Variants in FBXW11 observed in about 807,000 individuals in gnomAD.
The protein encoded by FBXW11 is F-box/WD repeat-containing protein 11.
In FBXW11, 19 loss-of-function variants were observed where a neutral mutation model predicts 77.6. That is an observed-to-expected ratio of 0.24 (90% CI 0.17 to 0.36). The LOEUF is 0.36. Among genes scored for constraint, FBXW11 ranks in the 10% least tolerant of loss-of-function variants. The pLI is 1.00. For synonymous variants in FBXW11, 235 were observed against 249.4 expected (o/e 0.94, Z 0.54); for missense variants, 334 against 704.2 (o/e 0.47, Z 5.95).
At chr5:171,993,527 C>T (rs1342632643) in intron 1 of FBXW11, among the ~76,000 whole-genome samples, 4 of 151,978 alleles carry the variant, frequency 2.6e-5, no homozygotes, top group East Asian at 1.9e-4. Context: ...GCAGGAGAAT[C>T]GATTGAACCT....
chr5:171,953,375 A>G (rs781622674), intron 2 of FBXW11, among the ~76,000 whole-genome samples: 3 of 152,196 alleles, frequency 2.0e-5, no homozygotes, highest in Non-Finnish European at 2.9e-5. Flanking sequence ...TATCAGACCC[A>G]GAGTGCTATA....
chr5:171,934,947 T>G (rs556368349), intron 2 of FBXW11, among the ~76,000 whole-genome samples: 8 of 151,636 alleles, frequency 5.3e-5, no homozygotes, highest in Admixed American at 2.6e-4. Context: ...GGTACAGTGG[T>G]TTTTTTTGTT....
intron 1 of FBXW11, among the ~76,000 whole-genome samples, chr5:171,973,987 A>G (rs915797817): frequency 6.6e-6 from 1 of 152,162 alleles, no homozygotes; most frequent in Non-Finnish European, 1.5e-5. Flanking sequence ...TTGAGTACTT[A>G]TCTTTTACAG....
intron 1 of FBXW11, among the ~76,000 whole-genome samples, chr5:171,968,407 G>A (rs539478705): frequency 8.0e-5 from 12 of 149,262 alleles, no homozygotes; most frequent in Admixed American, 1.3e-4. Context: ...GCAGTGAGCG[G>A]AGATCAGCCA....
intron 2 of FBXW11, among the ~76,000 whole-genome samples, chr5:171,923,071 T>A (rs962991813): frequency 6.6e-6 from 1 of 151,984 alleles, no homozygotes; most frequent in Non-Finnish European, 1.5e-5. Flanking sequence ...TGCACCACCA[T>A]GCCCGGCTAA....
chr5:171,991,545 C>T (rs1194567742), intron 1 of FBXW11, among the ~76,000 whole-genome samples: 1 of 152,162 alleles, frequency 6.6e-6, no homozygotes, highest in Non-Finnish European at 1.5e-5. Context: ...CAAGCTAAAA[C>T]GCACTCAGGA....
intron 2 of FBXW11, among the ~76,000 whole-genome samples, chr5:171,925,329 A>G (rs1761833017): frequency 6.6e-6 from 1 of 152,206 alleles, no homozygotes; most frequent in South Asian, 2.1e-4. Flanking sequence ...AATTTCATCA[A>G]AAGATATTTT....
At chr5:171,997,562 T>TAC (rs1183781119) in intron 1 of FBXW11, among the ~76,000 whole-genome samples, 2 of 152,238 alleles carry the variant, frequency 1.3e-5, no homozygotes, top group Non-Finnish European at 2.9e-5. Flanking sequence ...CCAAATCCTC[T>TAC]ACCCTTAGCT....
intron 6 of FBXW11, among the ~76,000 whole-genome samples, chr5:171,896,318 C>A (rs1317491273): frequency 2.0e-5 from 3 of 152,136 alleles, no homozygotes; most frequent in African/African-American, 7.2e-5. Context: ...GTACAGGCAA[C>A]TGGGGAGGGA....
chr5:171,895,693 G>A (rs1454049758), intron 6 of FBXW11, among the ~76,000 whole-genome samples: 2 of 152,216 alleles, frequency 1.3e-5, no homozygotes, highest in East Asian at 3.8e-4. Context: ...ACAATTGGGG[G>A]CACGCTAGAG....
intron 2 of FBXW11, among the ~76,000 whole-genome samples, chr5:171,949,298 T>C (rs1182580468): frequency 1.3e-5 from 2 of 152,160 alleles, no homozygotes; most frequent in East Asian, 3.8e-4. Flanking sequence ...AACATGCGCA[T>C]ATGATATCAA....
intron 7 of FBXW11, among the ~76,000 whole-genome samples, chr5:171,881,700 T>C (rs947451133): frequency 5.9e-5 from 9 of 152,228 alleles, no homozygotes; most frequent in African/African-American, 2.2e-4. Context: ...CAGTAACTCA[T>C]CTGGGCCTGG....
chr5:171,997,133 T>G (rs72835288), intron 1 of FBXW11: 49,127 of 1,172,810 alleles, frequency 0.042, 1,324 homozygotes, highest in Non-Finnish European at 0.049. Flanking sequence ...GAAGGAAGGG[T>G]CAATGGAATG....
chr5:171,902,054 A>G (rs993428174), intron 4 of FBXW11, among the ~76,000 whole-genome samples: 1 of 152,212 alleles, frequency 6.6e-6, no homozygotes, highest in African/African-American at 2.4e-5. Context: ...TGCCGCATCA[A>G]TATGCCCAGG....
intron 1 of FBXW11, among the ~76,000 whole-genome samples, chr5:171,995,754 A>G (rs930792671): frequency 6.0e-5 from 9 of 150,252 alleles, no homozygotes; most frequent in Non-Finnish European, 1.2e-4. Context: ...CTCCGCCTCA[A>G]AAAAAAAAAA....
At chr5:171,941,372 G>A (rs900664043) in intron 2 of FBXW11, among the ~76,000 whole-genome samples, 9 of 151,804 alleles carry the variant, frequency 5.9e-5, no homozygotes, top group African/African-American at 9.7e-5. Flanking sequence ...TGGAAGTCCC[G>A]CAAAGACCAA....
chr5:171,932,877 T>C (rs1762284828), intron 2 of FBXW11, among the ~76,000 whole-genome samples: 1 of 147,180 alleles, frequency 6.8e-6, no homozygotes, highest in African/African-American at 2.5e-5. Flanking sequence ...CCCAGCACTT[T>C]GGGAGGCCAA....
intron 1 of FBXW11, among the ~76,000 whole-genome samples, chr5:171,970,485 T>C (rs2113414735): frequency 6.6e-6 from 1 of 152,322 alleles, no homozygotes; most frequent in Middle Eastern, 3.4e-3. Context: ...TTATGCAGTA[T>C]GAGAACAAAC....
At chr5:171,960,135 G>A (rs1047222807) in intron 1 of FBXW11, among the ~76,000 whole-genome samples, 8 of 152,220 alleles carry the variant, frequency 5.3e-5, no homozygotes, top group Non-Finnish European at 8.8e-5. Context: ...CAGCACTTTG[G>A]GAGGCCGAGG....
Sources: allele counts gnomAD v4.1 joint callset (sites outside exome capture counted in the v4.1 genomes callset), GRCh38; gene constraint gnomAD v4.1.1; transcripts MANE v1.5; gene names NCBI Gene and HGNC (gene_info 2026-07-23, HGNC 2026-07-21).